Variants in LDB3 observed in about 807,000 individuals in gnomAD.
The protein encoded by LDB3 is LIM domain-binding protein 3.
Under a neutral mutation model 69.0 loss-of-function variants are expected in LDB3, and 49 were observed. The observed-to-expected ratio is 0.71, with a 90% confidence interval of 0.56 to 0.90. LDB3 has a LOEUF of 0.90. LDB3 is among the 40% of genes least tolerant of loss of function. The pLI is 0.00. For synonymous variants in LDB3, 387 were observed against 396.2 expected (o/e 0.98, Z 0.28); for missense variants, 928 against 974.1 (o/e 0.95, Z 0.63).
chr10:86,717,814 G>A (rs1260359192), intron 10 of LDB3, 150 bp from the exon 11 acceptor site: 9 of 729,188 alleles, frequency 1.2e-5, no homozygotes, highest in Non-Finnish European at 1.8e-5. Context: ...TTTCTGCATG[G>A]AGCTTTCTCT....
intron 4 of LDB3, 24 bp from the exon 5 acceptor site, chr10:86,681,412 C>G (rs749682830): frequency 1.3e-6 from 2 of 1,599,272 alleles, no homozygotes; most frequent in Non-Finnish European, 1.7e-6. Flanking sequence ...TTCTCTCTCC[C>G]CTGCATGGCC....
Position 86,732,873 on chromosome 10 carries a change from G to C in LDB3, c.2095-14G>C. The C allele has an allele frequency of 6.2e-7, 1 of 1,610,944 alleles. No homozygotes were observed. Among genetic ancestry groups the C allele is most frequent in the Non-Finnish European group, 8.5e-7 (1 of 1,177,620 alleles). ...TGCCACGTGGGTCTCACGCAGGTCTGTTCTCTGCTCCAGGTCTGCCATGTG... is the reference window on the plus strand; with the variant it reads ...TGCCACGTGGGTCTCACGCAGGTCTCTTCTCTGCTCCAGGTCTGCCATGTG... On this transcript the variant is annotated splice_polypyrimidine_tract_variant and intron_variant, in intron 13 of 13. Coordinates refer to ENST00000361373, the MANE Select transcript of LDB3 (RefSeq NM_007078.3).
intron 5 of LDB3, among the ~76,000 whole-genome samples, chr10:86,690,513 C>A (rs367559111): frequency 4.6e-5 from 7 of 152,210 alleles, no homozygotes; most frequent in African/African-American, 1.4e-4. Flanking sequence ...GGGCCTTCAG[C>A]GAAGCCAGGG....
chr10:86,708,715 A>T, intron 8 of LDB3, among the ~76,000 whole-genome samples: 1 of 152,222 alleles, frequency 6.6e-6, no homozygotes, highest in South Asian at 2.1e-4. Context: ...TGACAGGGCA[A>T]GTGTGCACAG....
intron 9 of LDB3, among the ~76,000 whole-genome samples, chr10:86,714,348 A>G (rs967549304): frequency 2.0e-5 from 3 of 152,084 alleles, no homozygotes; most frequent in African/African-American, 7.2e-5. Context: ...GATTTTCTAG[A>G]AATTGGACTC....
chr10:86,687,066 C>T, intron 5 of LDB3: 1 of 1,613,950 alleles, frequency 6.2e-7, no homozygotes, highest in Non-Finnish European at 8.5e-7. Context: ...ACCCCTCCCC[C>T]AGCGCCGACT....
chr10:86,733,086 C>T lies in LDB3; in HGVS notation c.*110C>T, dbSNP rs1015571817. 7 of 770,778 alleles carry T rather than the reference C, an allele frequency of 9.1e-6. No individual in the cohort carries two copies. The highest frequency in any genetic ancestry group is 4.4e-5 in the South Asian group (3 of 67,872). The allele number at this position is 770,778 out of a possible 1,614,324, so 47.7% of individuals were successfully genotyped here. A position where few individuals can be genotyped will look rare whatever the true frequency, so the allele number is the denominator to read the frequency against. On this transcript the variant is annotated 3_prime_UTR_variant, in exon 14 of 14. Transcript: ENST00000361373. ...GAGGGGAATGGGGAGAGAGAGGAAG[C>T]GACTGAGCCCTTTGGAAGTATAATT...
chr10:86,676,877 C>A (rs1300261201), intron 2 of LDB3, among the ~76,000 whole-genome samples: 3 of 152,360 alleles, frequency 2.0e-5, no homozygotes, highest in African/African-American at 7.2e-5. Flanking sequence ...AAGCCCAGAG[C>A]CTGGCCAGAG....
At chr10:86,731,233 T>C (rs1027073369) in intron 13 of LDB3, among the ~76,000 whole-genome samples, 7 of 149,308 alleles carry the variant, frequency 4.7e-5, no homozygotes, top group African/African-American at 1.7e-4. Context: ...ACCTTTTTTT[T>C]TTTTTTTTTG....
At chr10:86,687,370 G>A in intron 5 of LDB3, 2 of 1,208,306 alleles carry the variant, frequency 1.7e-6, no homozygotes, top group South Asian at 1.2e-5. Context: ...CCCTCACGTT[G>A]GACCTCCTGG....
intron 12 of LDB3, among the ~76,000 whole-genome samples, chr10:86,721,169 C>T (rs1474653834): frequency 6.6e-6 from 1 of 152,240 alleles, no homozygotes; most frequent in African/African-American, 2.4e-5. Context: ...ATAACGGCTG[C>T]ACTGTGTTAC....
chr10:86,734,717 G>A lies in LDB3; in HGVS notation c.*1741G>A, dbSNP rs45468798. On this transcript the variant is annotated 3_prime_UTR_variant, in exon 14 of 14. Transcript: ENST00000361373. ...AGCACGAAGCCACCAGTCTCCCCCAGGGAGCATCAGGAAGGGACATGGATG... is the reference window on the plus strand; with the variant it reads ...AGCACGAAGCCACCAGTCTCCCCCAAGGAGCATCAGGAAGGGACATGGATG... 0.055 allele frequency: 8,329 copies of A among 152,240 alleles called. 346 individuals are homozygous for A. The highest frequency in any genetic ancestry group is 0.073 in the Non-Finnish European group (4,963 of 68,026). 9.4% of individuals were successfully genotyped at this position (152,240 alleles called of 1,614,324 possible).
intron 2 of LDB3, among the ~76,000 whole-genome samples, chr10:86,672,492 T>C (rs1844543011): frequency 6.6e-6 from 1 of 152,174 alleles, no homozygotes; most frequent in African/African-American, 2.4e-5. Flanking sequence ...TTCCTGGAAT[T>C]TCGGGGCCGC....
At chr10:86,724,201 C>T (rs1847179467) in intron 12 of LDB3, among the ~76,000 whole-genome samples, 1 of 152,172 alleles carries the variant, frequency 6.6e-6, no homozygotes, top group African/African-American at 2.4e-5. Context: ...ATCCCAGCTA[C>T]TTGGGAGGCT....
intron 5 of LDB3, among the ~76,000 whole-genome samples, chr10:86,688,050 CGTGTGTGTGTGT>C (rs71487273): frequency 2.9e-5 from 3 of 103,018 alleles, no homozygotes; most frequent in East Asian, 5.2e-4. Context: ...CCCCGACCCT[CGTGTGTGTGTGT>C]GTGTGTGTGT....
chr10:86,700,203 T>G (rs774003206), intron 7 of LDB3: 2 of 411,246 alleles, frequency 4.9e-6, no homozygotes, highest in Non-Finnish European at 6.5e-6. Flanking sequence ...GTCCTGCTGC[T>G]CTCCTGCCCC....
At chr10:86,686,973 C>T (rs1845511721) in intron 5 of LDB3, 1 of 1,116,444 alleles carries the variant, frequency 9.0e-7, no homozygotes. Flanking sequence ...TCGACACCCA[C>T]CGCGCCCAGC....
Position 86,681,561 on chromosome 10 carries a change from C to G in LDB3, c.447C>G (p.Pro149=). The part of the protein sequence containing the change: ...RPTFSPAFSR[P]SAFSSLAEAS... ...CCTTTAGCCCTGCCTTCTCCCGGCC[C>G]TCCGCCTTCTCCTCACTCGCCGAGG... Residue 149 remains proline, a synonymous_variant, in exon 5 of 14, where the codon CCC becomes CCG. Transcript: ENST00000361373. 6.2e-7 allele frequency: 1 copy of G among 1,613,032 alleles called. No homozygotes were observed. Among genetic ancestry groups the G allele is most frequent in the African/African-American group, 1.3e-5 (1 of 75,052 alleles).
At chr10:86,723,646 G>T (rs1847160416) in intron 12 of LDB3, among the ~76,000 whole-genome samples, 1 of 152,182 alleles carries the variant, frequency 6.6e-6, no homozygotes, top group African/African-American at 2.4e-5. Flanking sequence ...TTCTTGCAGA[G>T]CACAGAGTGA....
Sources: gnomAD v4.1 joint callset for allele counts (sites outside exome capture counted in the v4.1 genomes callset) on GRCh38, gnomAD v4.1.1 for gene constraint, MANE v1.5 for transcripts, NCBI Gene and HGNC (gene_info 2026-07-23, HGNC 2026-07-21) for gene names.